The following ACVR1C variants were observed in gnomAD, a reference collection of about 807,000 sequenced individuals.
ACVR1C encodes the protein activin receptor type-1C.
ACVR1C carries 23 observed loss-of-function variants against 57.9 expected under a neutral mutation model. The observed-to-expected ratio is 0.40, with a 90% confidence interval of 0.29 to 0.56. ACVR1C has a LOEUF of 0.56. Among genes scored for constraint, ACVR1C ranks in the 20% least tolerant of loss-of-function variants. The pLI is 0.50. For synonymous variants in ACVR1C, 214 were observed against 215.3 expected (o/e 0.99, Z 0.05); for missense variants, 480 against 607.9 (o/e 0.79, Z 2.21).
intron 1 of ACVR1C, among the ~76,000 whole-genome samples, chr2:157,600,265 T>C (rs1011105839): frequency 2.0e-5 from 3 of 152,188 alleles, no homozygotes; most frequent in African/African-American, 7.2e-5. Flanking sequence ...GTAGAGAAGA[T>C]AGCAACCAAA....
At chr2:157,598,664 C>T (rs1682199600) in intron 1 of ACVR1C, among the ~76,000 whole-genome samples, 1 of 151,688 alleles carries the variant, frequency 6.6e-6, no homozygotes, top group Admixed American at 6.6e-5. Context: ...CTCAGCCTTC[C>T]GAGTAGCTGG....
In ACVR1C at chr2:157,576,882, C is replaced by T. The variant is rs1688671015; in HGVS notation, c.304+10305G>A. Among the ~76,000 whole-genome samples, 2 of 29,730 alleles carry T rather than the reference C, an allele frequency of 6.7e-5. 1 individual carries two copies. Among genetic ancestry groups the T allele is most frequent in the African/African-American group, 3.9e-4 (2 of 5,128 alleles). The allele number at this position is 29,730 out of a possible 152,430, so 19.5% of individuals were successfully genotyped here. On this transcript the variant is annotated intron_variant, in intron 2 of 8. Transcript: ENST00000243349. ...TTTTTTTTTGAGACGGAGTCTCGCTCTGTCGCCCAGGCCGGACTGCGGACT... is the reference window on the plus strand; with the variant it reads ...TTTTTTTTTGAGACGGAGTCTCGCTTTGTCGCCCAGGCCGGACTGCGGACT...
At chr2:157,625,217 C>T (rs1004099456) in intron 1 of ACVR1C, among the ~76,000 whole-genome samples, 1 of 152,124 alleles carries the variant, frequency 6.6e-6, no homozygotes, top group Non-Finnish European at 1.5e-5. Context: ...CCCTTCTCTC[C>T]CCAGACCAGC....
chr2:157,550,076 G>T, intron 4 of ACVR1C, 86 bp downstream of exon 4: 4 of 1,044,910 alleles, frequency 3.8e-6, no homozygotes, highest in Non-Finnish European at 4.2e-6. Flanking sequence ...TTTCTTATCT[G>T]ATACTAGACA....
chr2:157,594,604 G>T (rs1186953366), intron 1 of ACVR1C, among the ~76,000 whole-genome samples: 3 of 152,134 alleles, frequency 2.0e-5, no homozygotes. Context: ...ATATCAGCAT[G>T]AAATTTGGGG....
chr2:157,547,051 AGTGAGAATAT>A (rs1351906012), intron 4 of ACVR1C, among the ~76,000 whole-genome samples: 1 of 137,786 alleles, frequency 7.3e-6, no homozygotes, highest in Admixed American at 8.0e-5. Context: ...CCCACCTATG[AGTGAGAATAT>A]GCGGTGTTTG....
At chr2:157,619,787 A>G (rs1244032217) in intron 1 of ACVR1C, among the ~76,000 whole-genome samples, 1 of 152,074 alleles carries the variant, frequency 6.6e-6, no homozygotes, top group Admixed American at 6.6e-5. Context: ...GAGAAAATAA[A>G]TAAAACCAAA....
intron 1 of ACVR1C, among the ~76,000 whole-genome samples, chr2:157,597,075 GC>G (rs2105135157): frequency 6.6e-6 from 1 of 152,224 alleles, no homozygotes; most frequent in South Asian, 2.1e-4. Context: ...CAGCCTTCCT[GC>G]CGTTCGGAGG....
chr2:157,603,459 C>A (rs1280715692), intron 1 of ACVR1C, among the ~76,000 whole-genome samples: 1 of 152,096 alleles, frequency 6.6e-6, no homozygotes, highest in Non-Finnish European at 1.5e-5. Flanking sequence ...TCTGTAGAGA[C>A]TGCAGATGCA....
rs1687317791 is a variant in ACVR1C, at chr2:157,529,878, T to C, written c.*4040A>G. On this transcript the variant is annotated 3_prime_UTR_variant, in exon 9 of 9. Transcript: ENST00000243349. ...AAATGCCCATATTATAAAAATTCTATTTAATATTAACATTTTTTAAAAACT... is the reference window on the plus strand; with the variant it reads ...AAATGCCCATATTATAAAAATTCTACTTAATATTAACATTTTTTAAAAACT... 1 of 152,092 alleles carries C rather than the reference T, an allele frequency of 6.6e-6. No homozygotes were observed. Among genetic ancestry groups the C allele is most frequent in the Non-Finnish European group, 1.5e-5 (1 of 67,986 alleles). 9.4% of individuals were successfully genotyped at this position (152,092 alleles called of 1,614,324 possible). A position where few individuals can be genotyped will look rare whatever the true frequency, so the allele number is the denominator to read the frequency against.
intron 1 of ACVR1C, among the ~76,000 whole-genome samples, chr2:157,591,247 T>C (rs1426683099): frequency 2.0e-5 from 3 of 151,932 alleles, no homozygotes; most frequent in Non-Finnish European, 4.4e-5. Context: ...GACTAGATTC[T>C]AGACGGTCAC....
intron 2 of ACVR1C, among the ~76,000 whole-genome samples, chr2:157,586,647 C>T (rs1313148316): frequency 6.6e-6 from 1 of 152,080 alleles, no homozygotes; most frequent in Non-Finnish European, 1.5e-5. Flanking sequence ...AGAAATATAT[C>T]TGAACAATGA....
At chr2:157,586,936 A>C (rs1558987917) in intron 2 of ACVR1C, among the ~76,000 whole-genome samples, 1 of 152,204 alleles carries the variant, frequency 6.6e-6, no homozygotes, top group Non-Finnish European at 1.5e-5. Flanking sequence ...TAATCATTTC[A>C]AAAATACAAT....
chr2:157,628,661 C>G lies in ACVR1C; in HGVS notation c.-17G>C. 1 of 1,554,146 alleles carries G rather than the reference C, an allele frequency of 6.4e-7. No homozygotes were observed. Among genetic ancestry groups the G allele is most frequent in the Non-Finnish European group, 8.7e-7 (1 of 1,151,994 alleles). On this transcript the variant is annotated 5_prime_UTR_variant, in exon 1 of 9. Transcript: ENST00000243349. Reference sequence around the variant, plus strand: ...CCGGGTCATCGCCACCAGGCGGCCGCGCCGGGGCTGCGAGGCCCCAGAGCA... The same window carrying G: ...CCGGGTCATCGCCACCAGGCGGCCGGGCCGGGGCTGCGAGGCCCCAGAGCA...
intron 1 of ACVR1C, among the ~76,000 whole-genome samples, chr2:157,601,479 C>T (rs1682279704): frequency 6.6e-6 from 1 of 151,874 alleles, no homozygotes; most frequent in Non-Finnish European, 1.5e-5. Flanking sequence ...AGTGAGGAAA[C>T]ATAAGAAAGA....
chr2:157,554,950 G>A (rs926479169), intron 3 of ACVR1C, among the ~76,000 whole-genome samples: 1 of 151,774 alleles, frequency 6.6e-6, no homozygotes, highest in African/African-American at 2.4e-5. Context: ...TAGGGAGTTT[G>A]TTATTCTGGG....
intron 1 of ACVR1C, among the ~76,000 whole-genome samples, chr2:157,595,381 T>C (rs1439848986): frequency 6.6e-6 from 1 of 152,182 alleles, no homozygotes; most frequent in Admixed American, 6.5e-5. Context: ...ACAGACTACC[T>C]GGAGTCCTCT....
intron 1 of ACVR1C, among the ~76,000 whole-genome samples, chr2:157,607,242 G>T (rs199791291): frequency 2.0e-5 from 3 of 151,862 alleles, no homozygotes; most frequent in Non-Finnish European, 3.0e-5. Context: ...AAGTCAGTTA[G>T]GATGATGTCT....
intron 1 of ACVR1C, among the ~76,000 whole-genome samples, chr2:157,597,105 T>C (rs963018944): frequency 5.3e-5 from 8 of 152,002 alleles, no homozygotes; most frequent in Non-Finnish European, 1.2e-4. Flanking sequence ...CAGCCCATCC[T>C]CTCAGTAGTC....
Sources: allele counts gnomAD v4.1 joint callset (sites outside exome capture counted in the v4.1 genomes callset), GRCh38; gene constraint gnomAD v4.1.1; transcripts MANE v1.5; gene names NCBI Gene and HGNC (gene_info 2026-07-23, HGNC 2026-07-21).